Variants in GPR4 observed in about 807,000 individuals in gnomAD.
GPR4 encodes the protein G protein-coupled receptor 4.
Under a neutral mutation model 17.8 loss-of-function variants are expected in GPR4, and 11 were observed. The observed-to-expected ratio is 0.62, with a 90% confidence interval of 0.39 to 1.02. GPR4 has a LOEUF of 1.02. Among genes scored for constraint, GPR4 ranks in the 50% least tolerant of loss-of-function variants. The probability of loss-of-function intolerance (pLI) is 0.00; values close to 1 mark genes in which losing one functional copy is unlikely to be tolerated. For missense variants in GPR4, 364 were observed against 495.4 expected (o/e 0.73, Z 2.52); for synonymous variants, 219 against 222.8 (o/e 0.98, Z 0.15).
rs547796876 is a variant in GPR4 at position 45,598,945 on chromosome 19, A to G, written c.-832+3150T>C. On this transcript the variant is annotated intron_variant, in intron 1 of 1. Coordinates refer to ENST00000323040, the MANE Select transcript of GPR4 (RefSeq NM_005282.3). ...AGATACGACCTTCTCCCCACAAAGA[A>G]AGCAAGCGACCTTCCATCACCTGAT... Among the ~76,000 whole-genome samples, 65 of 152,142 alleles carry G rather than the reference A, an allele frequency of 4.3e-4. 1 individual carries two copies. Among genetic ancestry groups the G allele is most frequent in the African/African-American group, 1.5e-3 (64 of 41,508 alleles).
intron 1 of GPR4, among the ~76,000 whole-genome samples, chr19:45,597,972 G>A (rs1440923006): frequency 3.3e-5 from 5 of 152,098 alleles, no homozygotes; most frequent in African/African-American, 1.2e-4. Flanking sequence ...TGGGATGGGT[G>A]GGGGCGTACT....
chr19:45,594,078 A>ATATATATATATTTTATATATATTT (rs1555738345), intron 1 of GPR4, among the ~76,000 whole-genome samples: 1 of 74,608 alleles, frequency 1.3e-5, no homozygotes, highest in African/African-American at 8.2e-5. Context: ...ATATATATAT[A>ATATATATATATTTTATATATATTT]TATATATATA....
chr19:45,595,245 C>G (rs371358844), intron 1 of GPR4, among the ~76,000 whole-genome samples: 3 of 151,802 alleles, frequency 2.0e-5, no homozygotes, highest in African/African-American at 7.3e-5. Context: ...CATTGCACTA[C>G]AGCCTGGGCA....
intron 1 of GPR4, among the ~76,000 whole-genome samples, chr19:45,598,236 A>G (rs973808832): frequency 6.6e-6 from 1 of 152,082 alleles, no homozygotes; most frequent in Non-Finnish European, 1.5e-5. Context: ...CTAGAATGCG[A>G]TATCAGCTCC....
intron 1 of GPR4, among the ~76,000 whole-genome samples, chr19:45,594,075 T>C (rs1243134432): frequency 1.3e-5 from 1 of 74,760 alleles, no homozygotes; most frequent in South Asian, 5.2e-4. Context: ...TATATATATA[T>C]ATATATATAT....
Position 45,591,936 on chromosome 19 carries a change from G to A in GPR4, c.-70C>T. The A allele has an allele frequency of 6.7e-7, 1 of 1,499,794 alleles. No homozygotes were observed. 92.9% of individuals were successfully genotyped at this position (1,499,794 alleles called of 1,614,324 possible). A position where few individuals can be genotyped will look rare whatever the true frequency, so the allele number is the denominator to read the frequency against. On this transcript the variant is annotated 5_prime_UTR_variant, in exon 2 of 2. Transcript: ENST00000323040. The surrounding 1 kb of genome is among the most constrained non-coding windows in gnomAD (Gnocchi z 7.6). ...GCTGTGGGGCCACAGGGAGCGGGAG[G>A]CCATGGGGCCCCCTGAGCCCCTTCC...
intron 1 of GPR4, among the ~76,000 whole-genome samples, chr19:45,598,203 C>T (rs1359334900): frequency 2.0e-5 from 3 of 152,156 alleles, no homozygotes; most frequent in South Asian, 4.1e-4. Flanking sequence ...ATAGTCATCA[C>T]ATCACAGACC....
chr19:45,598,895 C>T (rs1970084737), intron 1 of GPR4, among the ~76,000 whole-genome samples: 1 of 152,180 alleles, frequency 6.6e-6, no homozygotes. Context: ...CTGAGCGTCT[C>T]TGGCCCCTCT....
At chr19:45,600,114 A>G (rs1420931914) in intron 1 of GPR4, among the ~76,000 whole-genome samples, 2 of 152,128 alleles carry the variant, frequency 1.3e-5, no homozygotes, top group South Asian at 2.1e-4. Flanking sequence ...CTAAGAAATT[A>G]TGGCTTCATG....
intron 1 of GPR4, among the ~76,000 whole-genome samples, chr19:45,601,520 A>C (rs1200357096): frequency 1.3e-5 from 2 of 152,048 alleles, no homozygotes; most frequent in South Asian, 4.2e-4. Flanking sequence ...CCTGCCCCCT[A>C]CCCCACTCCC....
chr19:45,600,742 C>A (rs1005334837), intron 1 of GPR4, among the ~76,000 whole-genome samples: 19 of 152,274 alleles, frequency 1.2e-4, no homozygotes, highest in African/African-American at 3.9e-4. Flanking sequence ...GCCTAGGTGG[C>A]TCCGCAAACC....
intron 1 of GPR4, among the ~76,000 whole-genome samples, chr19:45,598,413 C>G (rs1425566555): frequency 6.6e-6 from 1 of 151,918 alleles, no homozygotes; most frequent in Admixed American, 6.6e-5. Flanking sequence ...CTCGGGTACC[C>G]GGGCAGGAGA....
At position 45,591,385 on chromosome 19, in the gene GPR4, T is replaced by A; in HGVS notation, c.482A>T (p.Asp161Val). Residue 161 changes from aspartate (D) to valine (V), a missense_variant, in exon 2 of 2, where the codon GAC becomes GTC. By Grantham distance (152) the Asp-to-Val change is radical. Around this residue, in one of 3 missense-constraint regions of GPR4, gnomAD observed 271 missense variants for 373.1 expected, o/e 0.73. Transcript: ENST00000323040. The surrounding 1 kb of genome is among the most constrained non-coding windows in gnomAD (Gnocchi z 7.6). ...APLFHDELFR[D>V]RYNHTFCFEK... Reference sequence around the variant, plus strand: ...AAAGCAGAAGGTGTGGTTGTAGCGGTCTCGGAAGAGCTCGTCATGGAACAG... The same window carrying A: ...AAAGCAGAAGGTGTGGTTGTAGCGGACTCGGAAGAGCTCGTCATGGAACAG... 6.2e-7 allele frequency: 1 copy of A among 1,613,350 alleles called. No homozygotes were observed. The highest frequency in any genetic ancestry group is 1.1e-5 in the South Asian group (1 of 91,052).
At chr19:45,595,195 G>A (rs1970044740) in intron 1 of GPR4, among the ~76,000 whole-genome samples, 1 of 152,092 alleles carries the variant, frequency 6.6e-6, no homozygotes, top group Admixed American at 6.6e-5. Flanking sequence ...AGAATTGCTT[G>A]AACCCGGGAG....
chr19:45,599,120 G>C (rs549846444), intron 1 of GPR4, among the ~76,000 whole-genome samples: 5 of 152,258 alleles, frequency 3.3e-5, no homozygotes, highest in Admixed American at 2.0e-4. Context: ...TTGGGTCCCT[G>C]CTGGCCCCTT....
chr19:45,595,997 A>G (rs1970054275), intron 1 of GPR4, among the ~76,000 whole-genome samples: 1 of 152,082 alleles, frequency 6.6e-6, no homozygotes, highest in Non-Finnish European at 1.5e-5. Flanking sequence ...TCCATGGGAA[A>G]GTCCTCTGGG....
At chr19:45,600,124 G>C (rs1290091991) in intron 1 of GPR4, among the ~76,000 whole-genome samples, 1 of 152,058 alleles carries the variant, frequency 6.6e-6, no homozygotes, top group African/African-American at 2.4e-5. Context: ...ATGGCTTCAT[G>C]GAGGGAAGAG....
At chr19:45,595,353 A>G (rs1235063976) in intron 1 of GPR4, among the ~76,000 whole-genome samples, 4 of 152,076 alleles carry the variant, frequency 2.6e-5, no homozygotes. Context: ...CTGGGCTGCC[A>G]GTGGGGACTG....
chr19:45,595,316 T>TAAAA (rs59436828), intron 1 of GPR4, among the ~76,000 whole-genome samples: 108 of 135,674 alleles, frequency 8.0e-4, no homozygotes, highest in South Asian at 3.0e-3. Context: ...AATAAATAAA[T>TAAAA]AAAAAATAAC....
Sources: allele counts gnomAD v4.1 joint callset (sites outside exome capture counted in the v4.1 genomes callset), GRCh38; gene constraint gnomAD v4.1.1; regional missense constraint gnomAD v4.1.1; non-coding constraint Gnocchi (gnomAD v3.1); transcripts MANE v1.5; gene names NCBI Gene and HGNC (gene_info 2026-07-23, HGNC 2026-07-21).